Variants in NOL4 observed in about 807,000 individuals in gnomAD.
NOL4 encodes cancer/testis antigen 125.
In NOL4, 17 loss-of-function variants were observed where a neutral mutation model predicts 75.9. The ratio of observed to expected loss-of-function variants is 0.22; its 90% confidence interval spans 0.15 to 0.34. NOL4 has a LOEUF of 0.34. NOL4 is among the 10% of genes least tolerant of loss of function. The probability of loss-of-function intolerance (pLI) is 1.00; values close to 1 mark genes in which losing one functional copy is unlikely to be tolerated. For synonymous variants in NOL4, 292 were observed against 289.9 expected (o/e 1.01, Z -0.07); for missense variants, 614 against 793.5 (o/e 0.77, Z 2.72).
At chr18:33,978,147 T>C (rs1192955549) in intron 6 of NOL4, among the ~76,000 whole-genome samples, 1 of 152,192 alleles carries the variant, frequency 6.6e-6, no homozygotes, top group Non-Finnish European at 1.5e-5. Context: ...TCTGCCAAAC[T>C]GGTCTTTACC....
intron 1 of NOL4, among the ~76,000 whole-genome samples, chr18:34,179,261 A>G (rs1373547735): frequency 6.6e-6 from 1 of 151,466 alleles, no homozygotes; most frequent in Non-Finnish European, 1.5e-5. Flanking sequence ...AAACAAAAAT[A>G]ACAAAACAAA....
rs960136411 is a variant in NOL4, at chr18:34,128,845, G to A, written c.414+1026C>T. On this transcript the variant is annotated intron_variant, in intron 2 of 10. Coordinates refer to ENST00000261592, the MANE Select transcript of NOL4 (RefSeq NM_003787.5). ...CTCAGTAGCTAATTTTCAAACATAG[G>A]TACCTGTATTTGAAACTTTGAGCAT... The A allele has an allele frequency of 1.3e-5, 13 of 976,404 alleles. No individual in the cohort carries two copies. The African/African-American group carries it at 1.8e-4, about 13-fold the overall frequency. 60.5% of individuals were successfully genotyped at this position (976,404 alleles called of 1,614,324 possible).
intron 9 of NOL4, among the ~76,000 whole-genome samples, chr18:33,892,538 T>C (rs1037517421): frequency 2.0e-5 from 3 of 152,146 alleles, no homozygotes; most frequent in Non-Finnish European, 2.9e-5. Context: ...ATGAAGATTG[T>C]TTTCACAAGA....
intron 1 of NOL4, among the ~76,000 whole-genome samples, chr18:34,141,018 A>G (rs901923233): frequency 1.3e-5 from 2 of 152,168 alleles, no homozygotes; most frequent in Non-Finnish European, 1.5e-5. Flanking sequence ...CAAAAATCAC[A>G]AGCATTCTTA....
chr18:33,942,452 T>C (rs773704045), intron 9 of NOL4, among the ~76,000 whole-genome samples: 19 of 151,244 alleles, frequency 1.3e-4, no homozygotes, highest in Non-Finnish European at 2.5e-4. Context: ...GTGAGCAAAG[T>C]ACAAAAAAAA....
chr18:33,869,103 T>G (rs936410186), intron 10 of NOL4, among the ~76,000 whole-genome samples: 4 of 151,918 alleles, frequency 2.6e-5, no homozygotes, highest in Non-Finnish European at 5.9e-5. Flanking sequence ...TGTATTCACA[T>G]ATTTTAAGTC....
chr18:33,962,533 A>C (rs1201763017), intron 6 of NOL4, among the ~76,000 whole-genome samples: 1 of 152,232 alleles, frequency 6.6e-6, no homozygotes, highest in South Asian at 2.1e-4. Flanking sequence ...TGCTTTAAGG[A>C]TCATACTAAC....
At chr18:34,115,627 A>G (rs2079817162) in intron 2 of NOL4, among the ~76,000 whole-genome samples, 1 of 152,076 alleles carries the variant, frequency 6.6e-6, no homozygotes, top group African/African-American at 2.4e-5. Context: ...ACCTAGTCCT[A>G]ATAGGTTTTT....
In NOL4 at chr18:33,883,229, A is replaced by C; in HGVS notation, c.1723+15T>G. 1 of 1,553,076 alleles carries C rather than the reference A, an allele frequency of 6.4e-7. No individual in the cohort carries two copies. The highest frequency in any genetic ancestry group is 8.7e-7 in the Non-Finnish European group (1 of 1,153,772). Reference sequence around the variant, plus strand: ...AATAATTAAAAAAAAAACACAATCTATGATAAATACTCACCACTGCTGGAA... The same window carrying C: ...AATAATTAAAAAAAAAACACAATCTCTGATAAATACTCACCACTGCTGGAA... On this transcript the variant is annotated intron_variant, in intron 10 of 10. Transcript: ENST00000261592.
intron 2 of NOL4, among the ~76,000 whole-genome samples, chr18:34,116,431 C>T (rs929423459): frequency 3.3e-5 from 5 of 152,198 alleles, no homozygotes; most frequent in Non-Finnish European, 7.3e-5. Context: ...AAGCCAAATA[C>T]TGGCCATTCC....
At chr18:33,980,979 T>A (rs1016301304) in intron 6 of NOL4, among the ~76,000 whole-genome samples, 3 of 152,006 alleles carry the variant, frequency 2.0e-5, no homozygotes, top group African/African-American at 7.2e-5. Context: ...ATGGATAATG[T>A]AAGCATAGAG....
At chr18:34,010,138 C>T (rs1027768323) in intron 6 of NOL4, among the ~76,000 whole-genome samples, 3 of 151,954 alleles carry the variant, frequency 2.0e-5, no homozygotes, top group Admixed American at 6.6e-5. Context: ...TAACCATCTA[C>T]ACTTCCCCCC....
chr18:33,975,202 G>A (rs780112440), intron 6 of NOL4, among the ~76,000 whole-genome samples: 50 of 152,226 alleles, frequency 3.3e-4, no homozygotes, highest in Non-Finnish European at 5.6e-4. Flanking sequence ...AATGGGTATA[G>A]TGTTTCCATT....
chr18:34,216,381 C>T (rs1016436807), intron 1 of NOL4, among the ~76,000 whole-genome samples: 6 of 151,836 alleles, frequency 4.0e-5, no homozygotes, highest in Admixed American at 3.9e-4. Flanking sequence ...AGGTAAAAGA[C>T]AAATACTCTC....
intron 1 of NOL4, among the ~76,000 whole-genome samples, chr18:34,193,077 T>C (rs1368643547): frequency 6.6e-6 from 1 of 152,124 alleles, no homozygotes. Flanking sequence ...AAACACAAAA[T>C]GGACTAAGGC....
intron 5 of NOL4, among the ~76,000 whole-genome samples, chr18:34,057,933 G>A (rs1409225685): frequency 1.3e-5 from 2 of 152,100 alleles, no homozygotes; most frequent in African/African-American, 2.4e-5. Flanking sequence ...TTCAGGAATT[G>A]TAAATGACTT....
intron 8 of NOL4, among the ~76,000 whole-genome samples, chr18:33,948,386 A>G (rs1320273469): frequency 3.9e-5 from 6 of 152,088 alleles, no homozygotes; most frequent in Non-Finnish European, 7.4e-5. Context: ...TGGCATATCT[A>G]TACCTAAAGG....
At chr18:34,160,637 T>C (rs1343221361) in intron 1 of NOL4, among the ~76,000 whole-genome samples, 1 of 152,194 alleles carries the variant, frequency 6.6e-6, no homozygotes, top group Non-Finnish European at 1.5e-5. Flanking sequence ...ATATATGTGG[T>C]CACTTTAAAT....
chr18:34,087,073 A>G (rs1235150029), intron 5 of NOL4, among the ~76,000 whole-genome samples: 1 of 152,136 alleles, frequency 6.6e-6, no homozygotes, highest in East Asian at 1.9e-4. Flanking sequence ...GCACTCCAGA[A>G]CAGCTAGGTA....
Sources: gnomAD v4.1 joint callset for allele counts (sites outside exome capture counted in the v4.1 genomes callset) on GRCh38, gnomAD v4.1.1 for gene constraint, MANE v1.5 for transcripts, NCBI Gene and HGNC (gene_info 2026-07-23, HGNC 2026-07-21) for gene names.